PITPNA: variants seen among roughly 807,000 people sequenced by gnomAD.
PITPNA encodes phosphatidylinositol transfer protein alpha.
Under a neutral mutation model 50.3 loss-of-function variants are expected in PITPNA, and 13 were observed. That is an observed-to-expected ratio of 0.26 (90% CI 0.17 to 0.41). The LOEUF (loss-of-function observed/expected upper bound fraction) is 0.41, where lower values mean the gene tolerates loss of function less well. Ranked by LOEUF, PITPNA falls within the 10% of genes least tolerant of loss-of-function variation. The pLI is 1.00. For synonymous variants in PITPNA, 120 were observed against 119.6 expected (o/e 1.00, Z -0.02); for missense variants, 207 against 333.4 (o/e 0.62, Z 2.95).
chr17:1,524,246 A>G (rs371839565), intron 10 of PITPNA, among the ~76,000 whole-genome samples: 9,397 of 148,340 alleles, frequency 0.063, 325 homozygotes, highest in Non-Finnish European at 0.079. Context: ...GGGTTTCACC[A>G]TGTTAGCCAG....
rs1202811764 is a variant in PITPNA, at chr17:1,518,897, A to T, written c.*1664T>A. On this transcript the variant is annotated 3_prime_UTR_variant, in exon 12 of 12. Transcript: ENST00000313486. ...AAATGCTACCAGCAGTTGAGATGCT[A>T]CCCAGATGCATTACTAAAGACCCCT... The T allele has an allele frequency of 6.6e-6, 1 of 152,258 alleles. No homozygotes were observed. Among genetic ancestry groups the T allele is most frequent in the Non-Finnish European group, 1.5e-5 (1 of 68,050 alleles). The allele number at this position is 152,258 out of a possible 1,614,324, so 9.4% of individuals were successfully genotyped here.
chr17:1,548,996 G>A (rs149437589), intron 3 of PITPNA, among the ~76,000 whole-genome samples: 2 of 152,242 alleles, frequency 1.3e-5, no homozygotes, highest in East Asian at 3.9e-4. Context: ...CCACCTCCAG[G>A]GTCCCAGTTC....
intron 7 of PITPNA, among the ~76,000 whole-genome samples, chr17:1,536,097 T>TCA (rs1405639421): frequency 1.3e-5 from 2 of 152,170 alleles, no homozygotes; most frequent in Non-Finnish European, 2.9e-5. Context: ...GAGTCTCACT[T>TCA]CACAGATTTA....
intron 7 of PITPNA, among the ~76,000 whole-genome samples, chr17:1,538,094 C>T (rs1472507141): frequency 6.6e-6 from 1 of 152,194 alleles, no homozygotes; most frequent in Non-Finnish European, 1.5e-5. Flanking sequence ...GCCACCGTGC[C>T]AGGCCCCAAA....
chr17:1,522,076 T>A (rs202132340), intron 10 of PITPNA, among the ~76,000 whole-genome samples: 1 of 123,476 alleles, frequency 8.1e-6, no homozygotes, highest in Non-Finnish European at 1.9e-5. Context: ...AACATCTTTT[T>A]TTTTTTGAGA....
At position 1,553,164 on chromosome 17, in the gene PITPNA, C is replaced by T. The variant is rs187176341; in HGVS notation, c.52-15G>A. On this transcript the variant is annotated splice_polypyrimidine_tract_variant and intron_variant, in intron 2 of 11. Transcript: ENST00000313486. ...CCCACTTGATACTAAAGGACAGAGA[C>T]AGATGTTATTCTCAACACGGACCCT... is the stretch of plus-strand genomic sequence containing the variant. The T allele has an allele frequency of 2.1e-3, 3,401 of 1,613,722 alleles. 6 individuals carry two copies. Among genetic ancestry groups the T allele is most frequent in the Admixed American group, 4.6e-3 (279 of 60,022 alleles).
intron 10 of PITPNA, among the ~76,000 whole-genome samples, chr17:1,532,188 A>G (rs757138342): frequency 2.0e-5 from 3 of 152,112 alleles, no homozygotes; most frequent in African/African-American, 4.8e-5. Context: ...CCTGGGTTCA[A>G]GCGATTCTCC....
chr17:1,522,149 G>C (rs1318187574), intron 10 of PITPNA, among the ~76,000 whole-genome samples: 2 of 149,720 alleles, frequency 1.3e-5, no homozygotes, highest in Non-Finnish European at 3.0e-5. Flanking sequence ...TCGGCTCACT[G>C]CAAGCTCCGC....
intron 10 of PITPNA, among the ~76,000 whole-genome samples, chr17:1,531,644 C>T (rs1210590156): frequency 2.0e-5 from 3 of 150,896 alleles, no homozygotes; most frequent in African/African-American, 7.3e-5. Context: ...GCTTGGGTGA[C>T]AGAACACAAC....
intron 1 of PITPNA, chr17:1,559,839 C>T (rs1381717124): frequency 2.3e-6 from 2 of 883,536 alleles, no homozygotes; most frequent in South Asian, 5.2e-5. Flanking sequence ...CAACTCCCTT[C>T]CTCCAGAGCA....
At chr17:1,555,735 G>C (rs1445533040) in intron 2 of PITPNA, among the ~76,000 whole-genome samples, 3 of 152,186 alleles carry the variant, frequency 2.0e-5, no homozygotes, top group Non-Finnish European at 4.4e-5. Context: ...TGTCAGGCTG[G>C]GTACCAGAGG....
intron 10 of PITPNA, among the ~76,000 whole-genome samples, chr17:1,528,418 A>G (rs1157349230): frequency 6.6e-6 from 1 of 152,162 alleles, no homozygotes; most frequent in African/African-American, 2.4e-5. Flanking sequence ...CTAGGATTAC[A>G]GGCTTTTGAG....
At chr17:1,531,553 AAAATT>A (rs1325523791) in intron 10 of PITPNA, among the ~76,000 whole-genome samples, 2 of 152,046 alleles carry the variant, frequency 1.3e-5, no homozygotes, top group Non-Finnish European at 2.9e-5. Context: ...ATAAATAAGA[AAAATT>A]AAAAGGATTT....
Position 1,535,142 on chromosome 17 carries a change from C to A in PITPNA, c.645+40G>T, listed in dbSNP as rs758614104. On this transcript the variant is annotated intron_variant, in intron 9 of 11. Coordinates refer to ENST00000313486, the MANE Select transcript of PITPNA (RefSeq NM_006224.4). ...TTCTCCACCACCCCCCCACAACACA[C>A]ACACGCAGTCACTGGGAAGGCCTCA... The A allele has an allele frequency of 4.0e-6, 5 of 1,251,114 alleles. No homozygotes were observed. In the Admixed American group the frequency reaches 6.8e-5, roughly 17 times the overall value. The allele number at this position is 1,251,114 out of a possible 1,614,324, so 77.5% of individuals were successfully genotyped here.
intron 2 of PITPNA, among the ~76,000 whole-genome samples, chr17:1,554,336 G>A (rs949814014): frequency 6.6e-6 from 1 of 151,190 alleles, no homozygotes; most frequent in Admixed American, 6.6e-5. Context: ...GGGTTTCCTC[G>A]AGCTCTATGC....
In PITPNA at chr17:1,562,241, C is replaced by G. The variant is rs1255075550; in HGVS notation, c.20+300G>C. On this transcript the variant is annotated intron_variant, in intron 1 of 11. Transcript: ENST00000313486. The surrounding 1 kb of genome is among the most constrained non-coding windows in gnomAD (Gnocchi z 6.4). ...TGTCCCTCCGTGCCCGTGGGCCCCT[C>G]CATGCCCCGGCTGCCCGTCCATGCC... is the stretch of plus-strand genomic sequence containing the variant. 1.3e-5 allele frequency among the ~76,000 whole-genome samples: 2 copies of G among 151,966 alleles called. No homozygotes were observed. The highest frequency in any genetic ancestry group is 3.9e-4 in the East Asian group (2 of 5,166).
intron 10 of PITPNA, among the ~76,000 whole-genome samples, chr17:1,525,452 C>G (rs969160047): frequency 7.3e-5 from 11 of 151,476 alleles, no homozygotes; most frequent in African/African-American, 2.7e-4. Context: ...AAATTTAATA[C>G]TGCCACATTT....
At chr17:1,528,508 A>G (rs1284722471) in intron 10 of PITPNA, among the ~76,000 whole-genome samples, 1 of 152,162 alleles carries the variant, frequency 6.6e-6, no homozygotes, top group Non-Finnish European at 1.5e-5. Flanking sequence ...GCACTTTGGG[A>G]AACCAAGGTG....
intron 3 of PITPNA, among the ~76,000 whole-genome samples, chr17:1,551,246 A>G (rs552024276): frequency 1.3e-5 from 2 of 151,168 alleles, no homozygotes; most frequent in East Asian, 1.9e-4. Context: ...GGGGAGAGGT[A>G]GTGGTGGCAG....
Sources: gnomAD v4.1 joint callset for allele counts (sites outside exome capture counted in the v4.1 genomes callset) on GRCh38, gnomAD v4.1.1 for gene constraint, Gnocchi (gnomAD v3.1) non-coding constraint, MANE v1.5 for transcripts, NCBI Gene and HGNC (gene_info 2026-07-23, HGNC 2026-07-21) for gene names.